The following FCHO2 variants were observed in gnomAD, a reference collection of about 807,000 sequenced individuals.
FCHO2 encodes F-BAR domain only protein 2.
FCHO2 carries 43 observed loss-of-function variants against 114.1 expected under a neutral mutation model. The observed-to-expected ratio is 0.38, with a 90% CI of 0.30 to 0.49. The LOEUF (loss-of-function observed/expected upper bound fraction) is 0.49, where lower values mean the gene tolerates loss of function less well. Ranked by LOEUF, FCHO2 falls within the 20% of genes least tolerant of loss-of-function variation. The pLI is 0.97. For missense variants in FCHO2, 807 were observed against 950.4 expected (o/e 0.85, Z 1.98); for synonymous variants, 293 against 315.2 (o/e 0.93, Z 0.75).
At chr5:72,961,713 G>C (rs1430198562) in intron 1 of FCHO2, among the ~76,000 whole-genome samples, 2 of 151,942 alleles carry the variant, frequency 1.3e-5, no homozygotes, top group Non-Finnish European at 2.9e-5. Context: ...TCCTGCCTTA[G>C]CCTCCCTGGT....
chr5:73,076,585 G>A (rs1321767101), intron 20 of FCHO2, among the ~76,000 whole-genome samples: 1 of 152,202 alleles, frequency 6.6e-6, no homozygotes, highest in African/African-American at 2.4e-5. Context: ...GAGTTCCAGT[G>A]CAGAATTGCT....
chr5:72,999,357 C>A (rs1182633556), intron 5 of FCHO2, among the ~76,000 whole-genome samples: 1 of 140,138 alleles, frequency 7.1e-6, no homozygotes. Context: ...ATTTGGTTAT[C>A]TCATTCACTC....
At chr5:73,078,602 A>G (rs1742993390) in intron 22 of FCHO2, among the ~76,000 whole-genome samples, 1 of 152,216 alleles carries the variant, frequency 6.6e-6, no homozygotes, top group Non-Finnish European at 1.5e-5. Context: ...GTAATCAATT[A>G]AAGTTAGGAA....
intron 1 of FCHO2, among the ~76,000 whole-genome samples, chr5:72,968,146 G>A (rs1326254296): frequency 3.3e-5 from 5 of 151,154 alleles, no homozygotes; most frequent in African/African-American, 7.3e-5. Flanking sequence ...GGATAGTCTC[G>A]ACCTCCTGAC....
chr5:72,961,441 A>G (rs1751857569), intron 1 of FCHO2, among the ~76,000 whole-genome samples: 1 of 152,208 alleles, frequency 6.6e-6, no homozygotes, highest in Admixed American at 6.5e-5. Flanking sequence ...ATGACATACC[A>G]AAACAAAATC....
At chr5:72,991,946 GT>G (rs1418242969) in intron 5 of FCHO2, among the ~76,000 whole-genome samples, 3 of 152,116 alleles carry the variant, frequency 2.0e-5, no homozygotes, top group Admixed American at 1.3e-4. Flanking sequence ...AAAGTCTTCT[GT>G]TACAAGTCTG....
intron 23 of FCHO2, 109 bp downstream of exon 23, chr5:73,082,091 C>A: frequency 1.0e-6 from 1 of 970,226 alleles, no homozygotes; most frequent in South Asian, 2.3e-5. Context: ...ATTTTTGTGC[C>A]TTTTTCCATA....
intron 18 of FCHO2, among the ~76,000 whole-genome samples, chr5:73,064,210 TCA>T (rs1484776724): frequency 6.6e-6 from 1 of 152,054 alleles, no homozygotes; most frequent in Non-Finnish European, 1.5e-5. Context: ...ATCCATTGTC[TCA>T]CAATAAAGAA....
At chr5:72,958,900 G>C (rs1482505109) in intron 1 of FCHO2, among the ~76,000 whole-genome samples, 1 of 152,082 alleles carries the variant, frequency 6.6e-6, no homozygotes, top group African/African-American at 2.4e-5. Context: ...ATTGAGCTTT[G>C]AGCATAGCTT....
chr5:73,041,567 A>T (rs1272006105), intron 11 of FCHO2, among the ~76,000 whole-genome samples: 1 of 152,088 alleles, frequency 6.6e-6, no homozygotes, highest in Non-Finnish European at 1.5e-5. Flanking sequence ...GTGGTGCCAT[A>T]TCATTCTGTT....
intron 5 of FCHO2, among the ~76,000 whole-genome samples, chr5:72,991,717 A>G (rs1373675384): frequency 1.3e-5 from 2 of 152,212 alleles, no homozygotes; most frequent in Admixed American, 6.5e-5. Context: ...ATGTGGAGTG[A>G]TAATTTTGAA....
At chr5:73,048,870 CTTTTTTTTT>C (rs764057424) in intron 11 of FCHO2, among the ~76,000 whole-genome samples, 1 of 105,436 alleles carries the variant, frequency 9.5e-6, no homozygotes, top group Non-Finnish European at 1.8e-5. Context: ...AATTTGCTAT[CTTTTTTTTT>C]TTTTTTTTTT....
intron 19 of FCHO2, among the ~76,000 whole-genome samples, chr5:73,072,799 G>C (rs780982007): frequency 6.6e-6 from 1 of 151,994 alleles, no homozygotes; most frequent in Non-Finnish European, 1.5e-5. Context: ...GAGTTATGGA[G>C]ATGGATGATA....
chr5:73,058,034 G>A (rs969158507), intron 16 of FCHO2, among the ~76,000 whole-genome samples: 4 of 151,716 alleles, frequency 2.6e-5, no homozygotes, highest in Non-Finnish European at 4.4e-5. Context: ...TTTTACGGAC[G>A]GGGTCTTGCT....
At chr5:73,046,740 T>G (rs933712908) in intron 11 of FCHO2, among the ~76,000 whole-genome samples, 4 of 152,232 alleles carry the variant, frequency 2.6e-5, no homozygotes, top group African/African-American at 7.2e-5. Flanking sequence ...CTACCTTCAG[T>G]GTTAAAAATA....
At chr5:73,002,146 A>C (rs1250303984) in intron 5 of FCHO2, among the ~76,000 whole-genome samples, 2 of 152,180 alleles carry the variant, frequency 1.3e-5, no homozygotes, top group Non-Finnish European at 2.9e-5. Context: ...TGTATAGACC[A>C]GGATTTATAG....
At chr5:72,956,846 T>G (rs1208458487) in intron 1 of FCHO2, among the ~76,000 whole-genome samples, 1 of 152,016 alleles carries the variant, frequency 6.6e-6, no homozygotes, top group East Asian at 1.9e-4. Context: ...TATTAGATTC[T>G]TCTTTGAGAA....
intron 20 of FCHO2, 116 bp from the exon 21 acceptor site, chr5:73,077,222 A>G: frequency 1.3e-6 from 1 of 775,584 alleles, no homozygotes. Context: ...ATAGATATAC[A>G]CACATATAGG....
intron 9 of FCHO2, among the ~76,000 whole-genome samples, chr5:73,036,530 C>T (rs1756519617): frequency 6.6e-6 from 1 of 151,884 alleles, no homozygotes; most frequent in African/African-American, 2.4e-5. Context: ...CGCACCACCA[C>T]ACCCAGCTAA....
Sources: allele counts gnomAD v4.1 joint callset (sites outside exome capture counted in the v4.1 genomes callset), GRCh38; gene constraint gnomAD v4.1.1; transcripts MANE v1.5; gene names NCBI Gene and HGNC (gene_info 2026-07-23, HGNC 2026-07-21).